PAFAH1B1: variants seen among roughly 807,000 people sequenced by gnomAD.
The protein encoded by PAFAH1B1 is platelet-activating factor acetylhydrolase IB subunit beta.
A neutral mutation model predicts 57.5 loss-of-function variants in PAFAH1B1; 2 were observed. The ratio of observed to expected loss-of-function variants is 0.03; its 90% confidence interval spans 0.01 to 0.11. The LOEUF is 0.11. PAFAH1B1 is among the 10% of genes least tolerant of loss of function. The pLI is 1.00. For synonymous variants in PAFAH1B1, 152 were observed against 169.6 expected, an observed-to-expected ratio of 0.90 and a Z score of 0.81; for missense variants, 257 against 512.0, an observed-to-expected ratio of 0.50 and a Z score of 4.81.
In PAFAH1B1 at chr17:2,653,717, A is replaced by G. The variant is rs143928492; in HGVS notation, c.33-11655A>G. Among the ~76,000 whole-genome samples the G allele has an allele frequency of 5.2e-3, 797 of 152,232 alleles. 9 individuals are homozygous for G. The highest frequency in any genetic ancestry group is 0.018 in the African/African-American group (746 of 41,580). ...AGGTTGAAATAAGACTATAACTATA[A>G]TCTAAATTTCAGATGGTTATATTTA... On this transcript the variant is annotated intron_variant, in intron 2 of 10. Transcript: ENST00000397195.
intron 6 of PAFAH1B1, among the ~76,000 whole-genome samples, chr17:2,671,763 C>T (rs925852352): frequency 2.6e-5 from 4 of 151,828 alleles, no homozygotes; most frequent in African/African-American, 7.3e-5. Flanking sequence ...CCACCACACC[C>T]GGCTAACTTT....
At chr17:2,608,879 A>T (rs1014271641) in intron 1 of PAFAH1B1, among the ~76,000 whole-genome samples, 5 of 152,340 alleles carry the variant, frequency 3.3e-5, no homozygotes, top group African/African-American at 1.2e-4. Flanking sequence ...AATGGATAAT[A>T]TTATTGCATC....
chr17:2,620,963 T>C (rs1260582706), intron 1 of PAFAH1B1, among the ~76,000 whole-genome samples: 1 of 151,478 alleles, frequency 6.6e-6, no homozygotes, highest in African/African-American at 2.5e-5. Context: ...TTTTAAAAAA[T>C]AGATTTTTTC....
chr17:2,680,494 C>T (rs754717285), intron 10 of PAFAH1B1, among the ~76,000 whole-genome samples, 174 bp downstream of exon 10: 10 of 152,162 alleles, frequency 6.6e-5, no homozygotes, highest in Admixed American at 1.3e-4. Flanking sequence ...TCTCCTTTCC[C>T]GTTAACTCTT....
intron 1 of PAFAH1B1, among the ~76,000 whole-genome samples, chr17:2,625,822 C>T (rs916366091): frequency 4.6e-5 from 7 of 152,064 alleles, no homozygotes; most frequent in Non-Finnish European, 8.8e-5. Context: ...TCTGTTGTCC[C>T]AGCTACTCAG....
chr17:2,624,145 A>T (rs1361533925), intron 1 of PAFAH1B1, among the ~76,000 whole-genome samples: 1 of 152,138 alleles, frequency 6.6e-6, no homozygotes, highest in African/African-American at 2.4e-5. Context: ...GTTCCCAACG[A>T]ACTCCTCATT....
intron 1 of PAFAH1B1, among the ~76,000 whole-genome samples, chr17:2,625,962 T>A (rs1206811978): frequency 6.6e-6 from 1 of 151,726 alleles, no homozygotes; most frequent in Non-Finnish European, 1.5e-5. Context: ...AGAAAAACGT[T>A]AATAAAAGCC....
intron 1 of PAFAH1B1, among the ~76,000 whole-genome samples, chr17:2,634,310 T>C (rs1017772740): frequency 6.6e-6 from 1 of 152,140 alleles, no homozygotes; most frequent in Admixed American, 6.6e-5. Context: ...TAATTTTTTG[T>C]ATTTTTAGTA....
rs767670214 is a variant in PAFAH1B1 at position 2,665,451 on chromosome 17, G to T, written c.112G>T (p.Asp38Tyr). Residue 38 changes from aspartate to tyrosine, a missense_variant, in exon 3 of 11, where the codon GAT becomes TAT. By Grantham distance (160) the Asp-to-Tyr change is radical (BLOSUM62 -3). Transcript: ENST00000397195. ...AGTTTTTAAAAAGGAAGCTGAATTA[G>T]ATGTGGTATGTTTTACTTTTTACAA... Reference protein sequence around the residue: ...YSVFKKEAELDVNEELDKKYA... With the variant: ...YSVFKKEAELYVNEELDKKYA... 6.4e-7 allele frequency: 1 copy of T among 1,564,120 alleles called. No homozygotes were observed. The highest frequency in any genetic ancestry group is 1.1e-5 in the South Asian group (1 of 89,948).
chr17:2,617,394 G>T (rs1012915742), intron 1 of PAFAH1B1, among the ~76,000 whole-genome samples: 1 of 152,166 alleles, frequency 6.6e-6, no homozygotes, highest in Non-Finnish European at 1.5e-5. Context: ...ATGAAGTATA[G>T]TGGTTAGCTG....
intron 2 of PAFAH1B1, among the ~76,000 whole-genome samples, chr17:2,646,226 A>G (rs1383411876): frequency 2.0e-5 from 3 of 152,204 alleles, no homozygotes; most frequent in South Asian, 2.1e-4. Flanking sequence ...AGCTTTTTAA[A>G]AAGACCAGTA....
At chr17:2,647,009 A>T (rs1231364240) in intron 2 of PAFAH1B1, among the ~76,000 whole-genome samples, 1 of 152,074 alleles carries the variant, frequency 6.6e-6, no homozygotes, top group Non-Finnish European at 1.5e-5. Context: ...AGGTGGGTGG[A>T]TCTCTTGAGT....
At chr17:2,597,895 C>A (rs1032901264) in intron 1 of PAFAH1B1, among the ~76,000 whole-genome samples, 1 of 151,804 alleles carries the variant, frequency 6.6e-6, no homozygotes, top group African/African-American at 2.4e-5. Context: ...TCATGTTATT[C>A]ATAATTTGTC....
chr17:2,667,789 T>C (rs1220970577), intron 5 of PAFAH1B1, among the ~76,000 whole-genome samples: 1 of 151,956 alleles, frequency 6.6e-6, no homozygotes, highest in East Asian at 1.9e-4. Flanking sequence ...TTTTATAAAT[T>C]ACGTATTTCA....
intron 1 of PAFAH1B1, among the ~76,000 whole-genome samples, chr17:2,629,820 TTTACTATTA>T (rs2068533670): frequency 6.6e-6 from 1 of 152,198 alleles, no homozygotes; most frequent in East Asian, 1.9e-4. Context: ...GACAAGGCCT[TTTACTATTA>T]TATAACGTCC....
At chr17:2,656,291 T>A (rs574896425) in intron 2 of PAFAH1B1, among the ~76,000 whole-genome samples, 5 of 151,534 alleles carry the variant, frequency 3.3e-5, no homozygotes, top group East Asian at 3.9e-4. Flanking sequence ...ATCTCTACTT[T>A]AAAAAAAAAT....
At chr17:2,629,777 A>C (rs979534306) in intron 1 of PAFAH1B1, among the ~76,000 whole-genome samples, 1 of 152,174 alleles carries the variant, frequency 6.6e-6, no homozygotes, top group Non-Finnish European at 1.5e-5. Flanking sequence ...TGTTAGATGC[A>C]TATATGTTTA....
At chr17:2,621,322 G>A (rs559000332) in intron 1 of PAFAH1B1, among the ~76,000 whole-genome samples, 15 of 152,086 alleles carry the variant, frequency 9.9e-5, no homozygotes, top group African/African-American at 3.6e-4. Flanking sequence ...GAGAACATGC[G>A]CTATTTGGCT....
chr17:2,638,431 A>G, intron 2 of PAFAH1B1, 111 bp downstream of exon 2: 1 of 854,036 alleles, frequency 1.2e-6, no homozygotes, highest in East Asian at 2.6e-5. Flanking sequence ...TATTTTTACC[A>G]GTGTTCCAAT....
Sources: gnomAD v4.1 joint callset for allele counts (sites outside exome capture counted in the v4.1 genomes callset) on GRCh38, gnomAD v4.1.1 for gene constraint, MANE v1.5 for transcripts, NCBI Gene and HGNC (gene_info 2026-07-23, HGNC 2026-07-21) for gene names.